ZACN: variants seen among roughly 807,000 people sequenced by gnomAD.
ZACN encodes the protein zinc activated ion channel, also known as ligand-gated cation channel ZACN.
A neutral mutation model predicts 38.9 loss-of-function variants in ZACN; 52 were observed. That is an observed-to-expected ratio of 1.34 (90% confidence interval 1.07 to 1.68). The LOEUF is 1.68. Ranked by LOEUF, ZACN falls within the 40% of genes most tolerant of loss-of-function variation. The pLI is 0.00. For synonymous variants in ZACN, 235 were observed against 227.4 expected (o/e 1.03, Z -0.30); for missense variants, 559 against 525.6 (o/e 1.06, Z -0.62).
chr17:76,079,195 C>T lies in ZACN; in HGVS notation c.-70C>T. On this transcript the variant is annotated 5_prime_UTR_variant, in exon 1 of 9. Transcript: ENST00000334586. Reference sequence around the variant, plus strand: ...CTGCCTCTGGCTAATTGCTCAGCTGCCAGAGAAGTGACTGGAATAGAGGTT... The same window carrying T: ...CTGCCTCTGGCTAATTGCTCAGCTGTCAGAGAAGTGACTGGAATAGAGGTT... 6.9e-7 allele frequency: 1 copy of T among 1,452,842 alleles called. No homozygotes were observed. The highest frequency in any genetic ancestry group is 2.3e-5 in the Admixed American group (1 of 43,798). 90.0% of individuals were successfully genotyped at this position (1,452,842 alleles called of 1,614,324 possible). A position where few individuals can be genotyped will look rare whatever the true frequency, so the allele number is the denominator to read the frequency against.
rs201250920 is a variant in ZACN at position 76,079,445 on chromosome 17, C to T, written c.104C>T (p.Pro35Leu). ...CTTGACTTTTCTCTCTCAGTCTGGCCATCCCTCTTCAACGTCAACTTGTCC... is the reference window on the plus strand; with the variant it reads ...CTTGACTTTTCTCTCTCAGTCTGGCTATCCCTCTTCAACGTCAACTTGTCC... ...QGFQGTAAIW[P>L]SLFNVNLSKK... The change falls in exon 2 of 9, where the codon CCA (proline) becomes CTA (leucine). Residue 35 changes from proline (P) to leucine (L), a missense_variant. Coordinates refer to ENST00000334586, the MANE Select transcript of ZACN (RefSeq NM_180990.4). 61 of 1,614,186 alleles carry T rather than the reference C, an allele frequency of 3.8e-5. No individual in the cohort carries two copies. The highest frequency in any genetic ancestry group is 2.5e-4 in the South Asian group (23 of 91,086).
chr17:76,080,986 ACGAG>A (rs1331942691), intron 5 of ZACN: 1 of 405,228 alleles, frequency 2.5e-6, no homozygotes, highest in Non-Finnish European at 4.7e-6. Flanking sequence ...TGATAGACTG[ACGAG>A]CCTGTGACCA....
chr17:76,080,202 C>CG, intron 4 of ZACN, 53 bp from the exon 5 acceptor site: 1 of 1,558,478 alleles, frequency 6.4e-7, no homozygotes, highest in Non-Finnish European at 8.7e-7. Flanking sequence ...GGTCTCCCCC[C>CG]GGCCCCGTCC....
In ZACN at chr17:76,079,535, G is replaced by C. The variant is rs755002511; in HGVS notation, c.194G>C (p.Arg65Pro). 75 of 1,614,088 alleles carry C rather than the reference G, an allele frequency of 4.6e-5. No individual in the cohort carries two copies. The highest frequency in any genetic ancestry group is 6.1e-5 in the Non-Finnish European group (72 of 1,180,052). ...NGSAPLLVDV[R>P]VFVSNVFNVD... ...AGTGCGCCCCTGCTCGTGGATGTGC[G>C]GGTGTTTGTCTCCAACGTGTTTAAT... The change falls in exon 2 of 9, where the codon CGG becomes CCG. Residue 65 changes from arginine (R) to proline (P), a missense_variant. Coordinates refer to ENST00000334586, the MANE Select transcript of ZACN (RefSeq NM_180990.4).
chr17:76,080,871 CTGTA>C, intron 5 of ZACN: 1 of 467,500 alleles, frequency 2.1e-6, no homozygotes, highest in South Asian at 1.6e-5. Flanking sequence ...TGCAGCCACC[CTGTA>C]TAAACCCATC....
rs1598278686 is a variant in ZACN at position 76,080,006 on chromosome 17, A to C, written c.374+12A>C. 6.4e-7 allele frequency: 1 copy of C among 1,562,838 alleles called. No homozygotes were observed. Among genetic ancestry groups the C allele is most frequent in the East Asian group, 2.4e-5 (1 of 41,596 alleles). The stretch of plus-strand genomic sequence containing the variant: ...ACCATCCTGGAGGCGTAAGTGAGAC[A>C]GTTCCTGCCCCAGGAATCTGCCATG... On this transcript the variant is annotated intron_variant, in intron 4 of 8. Transcript: ENST00000334586.
chr17:76,079,199 A>C lies in ZACN; in HGVS notation c.-66A>C. 6.8e-7 allele frequency: 1 copy of C among 1,466,960 alleles called. No individual in the cohort carries two copies. The highest frequency in any genetic ancestry group is 9.2e-7 in the Non-Finnish European group (1 of 1,088,546). 90.9% of individuals were successfully genotyped at this position (1,466,960 alleles called of 1,614,324 possible). ...CTCTGGCTAATTGCTCAGCTGCCAG[A>C]GAAGTGACTGGAATAGAGGTTGTAG... On this transcript the variant is annotated 5_prime_UTR_variant, in exon 1 of 9. Transcript: ENST00000334586.
chr17:76,080,620 G>A (rs1042105153), intron 5 of ZACN, 196 bp downstream of exon 5: 23 of 783,062 alleles, frequency 2.9e-5, no homozygotes, highest in Admixed American at 8.1e-5. Flanking sequence ...CTCCCACTGC[G>A]CCCCCCACTC....
In ZACN at chr17:76,082,659, C is replaced by A. The variant is rs1245409437; in HGVS notation, c.*6C>A. On this transcript the variant is annotated 3_prime_UTR_variant, in exon 9 of 9. Coordinates refer to ENST00000334586, the MANE Select transcript of ZACN (RefSeq NM_180990.4). ...GCAGGCGGCCTAGACTGTAAAGGGG[C>A]AGGGCCTGGGCTGCACACCTTAGGA... 1 of 1,606,404 alleles carries A rather than the reference C, an allele frequency of 6.2e-7. No homozygotes were observed. Among genetic ancestry groups the A allele is most frequent in the Non-Finnish European group, 8.5e-7 (1 of 1,176,566 alleles).
chr17:76,081,255 T>C, intron 5 of ZACN, 23 bp from the exon 6 acceptor site: 1 of 1,612,614 alleles, frequency 6.2e-7, no homozygotes, highest in South Asian at 1.1e-5. Flanking sequence ...TCCTGGTTCA[T>C]AGTTCTCATT....
Position 76,079,716 on chromosome 17 carries a change from C to T in ZACN, c.237C>T (p.Tyr79=). The T allele has an allele frequency of 6.2e-7, 1 of 1,613,726 alleles. No individual in the cohort carries two copies. ...SNVFNVDILR[Y]TMSSMLLLRL... is the part of the protein sequence containing the mutation. ...CCTTCCCCCAGGACATCCTGCGATA[C>T]ACAATGTCCTCCATGCTGCTGCTTA... Residue 79 remains tyrosine, a synonymous_variant, in exon 3 of 9, where the codon TAC becomes TAT. Transcript: ENST00000334586.
intron 4 of ZACN, 105 bp downstream of exon 4, chr17:76,080,099 C>T (rs1192495667): frequency 6.8e-7 from 1 of 1,462,820 alleles, no homozygotes; most frequent in Non-Finnish European, 9.2e-7. Flanking sequence ...TCCTGGCGGT[C>T]CCCGCCGGAC....
rs759382585 is a variant in ZACN at position 76,080,291 on chromosome 17, T to G, written c.411T>G (p.Ala137=). 3.1e-6 allele frequency: 5 copies of G among 1,613,850 alleles called. No homozygotes were observed. Among genetic ancestry groups the G allele is most frequent in the Non-Finnish European group, 4.2e-6 (5 of 1,180,000 alleles). Residue 137 remains alanine, a synonymous_variant, in exon 5 of 9, where the codon GCT becomes GCG. Coordinates refer to ENST00000334586, the MANE Select transcript of ZACN (RefSeq NM_180990.4). ...ACTGGAGGGACCAGAGCCCCCAGGC[T>G]CGAGTAGACCAGGACGGCCACGTGA... ...WVDWRDQSPQ[A]RVDQDGHVKL...
At chr17:76,080,517 G>A (rs1196769983) in intron 5 of ZACN, 93 bp downstream of exon 5, 1 of 1,533,276 alleles carries the variant, frequency 6.5e-7, no homozygotes, top group East Asian at 2.4e-5. Flanking sequence ...GCAGGGTGCG[G>A]GGCAAGGGGA....
intron 3 of ZACN, 42 bp from the exon 4 acceptor site, chr17:76,079,846 A>T (rs1401923968): frequency 6.3e-7 from 1 of 1,594,034 alleles, no homozygotes; most frequent in Non-Finnish European, 8.6e-7. Flanking sequence ...GGGCATGGAT[A>T]TGTGGAGAGC....
At position 76,079,986 on chromosome 17, in the gene ZACN, C is replaced by G; in HGVS notation, c.366C>G (p.Ile122Met). ...WESLWTPRLT[I>M]LEALWVDWRD... The stretch of plus-strand genomic sequence containing the variant: ...CTCTCTGGACACCAAGGCTCACCAT[C>G]CTGGAGGCGTAAGTGAGACAGTTCC... Residue 122 changes from isoleucine (I) to methionine (M), a missense_variant, in exon 4 of 9, where the codon ATC becomes ATG. Ile to Met is a conservative substitution (Grantham distance 10). Transcript: ENST00000334586. 1 of 1,579,756 alleles carries G rather than the reference C, an allele frequency of 6.3e-7. No individual in the cohort carries two copies. Among genetic ancestry groups the G allele is most frequent in the South Asian group, 1.2e-5 (1 of 86,282 alleles).
chr17:76,080,219 G>A, intron 4 of ZACN, 36 bp from the exon 5 acceptor site: 1 of 1,584,744 alleles, frequency 6.3e-7, no homozygotes, highest in Non-Finnish European at 8.6e-7. Flanking sequence ...GTCCAAGAAG[G>A]GGCTGGGGCT....
chr17:76,079,286 C>T lies in ZACN; in HGVS notation c.22C>T (p.Leu8Phe), dbSNP rs971254166. The T allele has an allele frequency of 1.9e-6, 3 of 1,613,958 alleles. No homozygotes were observed. The highest frequency in any genetic ancestry group is 2.2e-5 in the South Asian group (2 of 91,060). The change falls in exon 1 of 9, where the codon CTC becomes TTC. Residue 8 changes from leucine (L) to phenylalanine (F), a missense_variant. By Grantham distance (22) the Leu-to-Phe change is conservative. Transcript: ENST00000334586. MMALWSL[L>F]HLTFLGFSIT... ...GCCGATGATGGCCCTATGGTCCCTG[C>T]TCCATCTCACCTTCCTGGGGTTCAG...
chr17:76,082,022 G>C lies in ZACN; in HGVS notation c.1021G>C (p.Gly341Arg). 6.2e-7 allele frequency: 1 copy of C among 1,610,550 alleles called. No individual in the cohort carries two copies. The highest frequency in any genetic ancestry group is 8.5e-7 in the Non-Finnish European group (1 of 1,179,000). Reference protein sequence around the residue: ...PAPRGEQREHGNPGPHPAEEP... With the variant: ...PAPRGEQREHRNPGPHPAEEP... ...CCCGAGAGGGGAACAGCGAGAGCAC[G>C]GCAACCCAGGGCCTCATCCTGCTGA... Residue 341 changes from glycine (G) to arginine (R), a missense_variant, in exon 8 of 9, where the codon GGC (glycine) becomes CGC (arginine). Gly to Arg is a moderately radical substitution (Grantham distance 125). Transcript: ENST00000334586.
Sources: gnomAD v4.1 joint callset for allele counts on GRCh38, gnomAD v4.1.1 for gene constraint, MANE v1.5 for transcripts, NCBI Gene and HGNC (gene_info 2026-07-23, HGNC 2026-07-21) for gene names.